PRXL2A: variants seen among roughly 807,000 people sequenced by gnomAD.
PRXL2A encodes peroxiredoxin like 2A.
PRXL2A carries 26 observed loss-of-function variants against 25.6 expected under a neutral mutation model. The ratio of observed to expected loss-of-function variants is 1.02; its 90% CI spans 0.74 to 1.41. The LOEUF (loss-of-function observed/expected upper bound fraction) is 1.41, where lower values mean the gene tolerates loss of function less well. Among genes scored for constraint, PRXL2A ranks in the 40% most tolerant of loss-of-function variants. PRXL2A has a pLI of 0.00. For missense variants in PRXL2A, 246 were observed against 273.9 expected, an observed-to-expected ratio of 0.90 and a Z score of 0.72; for synonymous variants, 98 against 102.9, an observed-to-expected ratio of 0.95 and a Z score of 0.29.
In PRXL2A at chr10:80,420,458, A is replaced by G. The variant is rs1308535008; in HGVS notation, c.-2-8A>G. The stretch of plus-strand genomic sequence containing the variant: ...AGTAACGCCTTCTTCCTTCTTCTCA[A>G]TCTCCAGAAATGTCTTTCCTCCAGG... On this transcript the variant is annotated splice_polypyrimidine_tract_variant and splice_region_variant and intron_variant, in intron 1 of 5. Coordinates refer to ENST00000606162, the MANE Select transcript of PRXL2A (RefSeq NM_032333.5). 1.3e-6 allele frequency: 2 copies of G among 1,562,222 alleles called. No homozygotes were observed. Among genetic ancestry groups the G allele is most frequent in the Non-Finnish European group, 1.7e-6 (2 of 1,150,400 alleles).
At chr10:80,431,646 T>C (rs1845265038) in intron 5 of PRXL2A, among the ~76,000 whole-genome samples, 2 of 152,182 alleles carry the variant, frequency 1.3e-5, no homozygotes, top group African/African-American at 2.4e-5. Flanking sequence ...GCTTCATTTT[T>C]TTCTCTTCAC....
intron 5 of PRXL2A, among the ~76,000 whole-genome samples, chr10:80,430,727 T>C (rs532184030): frequency 6.6e-6 from 1 of 152,346 alleles, no homozygotes; most frequent in African/African-American, 2.4e-5. Flanking sequence ...AACCATCCTA[T>C]GAGCTCAGCC....
upstream of PRXL2A, among the ~76,000 whole-genome samples, chr10:80,408,155 C>T (rs1303150181): frequency 6.8e-6 from 1 of 146,418 alleles, no homozygotes; most frequent in Admixed American, 6.8e-5. Context: ...TAGATTCCCC[C>T]TGCCCATGGA....
At chr10:80,413,807 C>A (rs1047744639) in intron 1 of PRXL2A, 101 of 1,091,430 alleles carry the variant, frequency 9.3e-5, no homozygotes, top group Non-Finnish European at 1.0e-4. Flanking sequence ...TGCCGCCTGC[C>A]CAGGCCCGTC....
At chr10:80,415,184 C>T (rs1844618066) in intron 1 of PRXL2A, among the ~76,000 whole-genome samples, 1 of 152,202 alleles carries the variant, frequency 6.6e-6, no homozygotes. Context: ...GCCTGATGCT[C>T]ACCACTGGTC....
At chr10:80,430,523 G>T (rs1413669855) in intron 5 of PRXL2A, among the ~76,000 whole-genome samples, 1 of 152,188 alleles carries the variant, frequency 6.6e-6, no homozygotes, top group Non-Finnish European at 1.5e-5. Flanking sequence ...ACATGCACCT[G>T]TAGTCCTGGC....
At chr10:80,424,961 G>A (rs1316695939) in intron 3 of PRXL2A, among the ~76,000 whole-genome samples, 3 of 152,212 alleles carry the variant, frequency 2.0e-5, no homozygotes, top group African/African-American at 7.2e-5. Flanking sequence ...AAATTTGCCA[G>A]TCAGTAAAAC....
At chr10:80,412,969 A>G (rs991209985) in intron 1 of PRXL2A, among the ~76,000 whole-genome samples, 1 of 152,156 alleles carries the variant, frequency 6.6e-6, no homozygotes, top group Non-Finnish European at 1.5e-5. Context: ...TGGTTCTTGA[A>G]ATAGGCTAGG....
rs1844830513 is a variant in PRXL2A at position 80,420,591 on chromosome 10, C to T, written c.124C>T (p.Gln42Ter). The T allele has an allele frequency of 2.5e-6, 4 of 1,613,860 alleles. No homozygotes were observed. The East Asian group carries it at 8.9e-5, about 36-fold the overall frequency. ...ANTDVFLSKP[Q>*]KAALEYLEDI... ...CACAGACGTGTTTCTGTCCAAGCCC[C>T]AGAAAGCGGCCCTGGAGTACCTGGA... The change falls in exon 2 of 6, where the codon CAG becomes TAG. Residue 42 changes from glutamine to a stop codon, truncating the protein, a stop_gained. Coordinates refer to ENST00000606162, the MANE Select transcript of PRXL2A (RefSeq NM_032333.5). LOFTEE classifies it high-confidence loss of function.
At chr10:80,410,523 T>G (rs1164434677) in intron 1 of PRXL2A, among the ~76,000 whole-genome samples, 1 of 152,282 alleles carries the variant, frequency 6.6e-6, no homozygotes, top group Non-Finnish European at 1.5e-5. Flanking sequence ...CCTGTCTTTA[T>G]AGGGGCACGA....
intron 1 of PRXL2A, among the ~76,000 whole-genome samples, chr10:80,411,792 C>G (rs1844482896): frequency 6.6e-6 from 1 of 152,150 alleles, no homozygotes; most frequent in African/African-American, 2.4e-5. Flanking sequence ...TTTTTTGTCT[C>G]CCTCAGCACC....
rs58999865 is a variant in PRXL2A, at chr10:80,421,680, G to T, written c.179-737G>T. ...TTTTTTTTTCCACATAACATCTACG[G>T]GAACATGGATCCCTCTGGGAAATAC... On this transcript the variant is annotated intron_variant, in intron 2 of 5. Transcript: ENST00000606162. Among the ~76,000 whole-genome samples the T allele has an allele frequency of 3.5e-3, 538 of 151,744 alleles. 4 individuals carry two copies. The highest frequency in any genetic ancestry group is 0.012 in the African/African-American group (513 of 41,300).
At chr10:80,412,141 G>A (rs953471812) in intron 1 of PRXL2A, among the ~76,000 whole-genome samples, 2 of 152,160 alleles carry the variant, frequency 1.3e-5, no homozygotes, top group African/African-American at 4.8e-5. Flanking sequence ...TGGTACTTTA[G>A]AGTCTTTGGA....
chr10:80,428,480 A>G (rs1039193391), intron 5 of PRXL2A, among the ~76,000 whole-genome samples: 2 of 152,360 alleles, frequency 1.3e-5, no homozygotes, highest in African/African-American at 4.8e-5. Context: ...ACTGGCCAAC[A>G]TGGCAAAATC....
rs141823088 is a variant in PRXL2A, at chr10:80,413,814, C to T, written c.-3+5171C>T. On this transcript the variant is annotated intron_variant, in intron 1 of 5. Transcript: ENST00000606162. Reference sequence around the variant, plus strand: ...CCTCCCCTTGCCGCCTGCCCAGGCCCGTCTGCTCACCCCTGGATATACTTC... The same window carrying T: ...CCTCCCCTTGCCGCCTGCCCAGGCCTGTCTGCTCACCCCTGGATATACTTC... The T allele has an allele frequency of 4.0e-4, 444 of 1,109,070 alleles. 1 individual carries two copies. The African/African-American group carries it at 6.7e-3, about 17-fold the overall frequency. 68.7% of individuals were successfully genotyped at this position (1,109,070 alleles called of 1,614,324 possible). A position where few individuals can be genotyped will look rare whatever the true frequency, so the allele number is the denominator to read the frequency against.
chr10:80,430,289 G>A (rs1845206720), intron 5 of PRXL2A, among the ~76,000 whole-genome samples: 1 of 151,782 alleles, frequency 6.6e-6, no homozygotes, highest in Non-Finnish European at 1.5e-5. Flanking sequence ...TTTAGTAGAG[G>A]CAGGGTGTCA....
At position 80,432,562 on chromosome 10, in the gene PRXL2A, A is replaced by AC; in HGVS notation, c.*465dup. ...AGGCTGAGGCAGGAGAATCACTTGA[A>AC]CCTGGGAGGTGGAGGTTGCGGTGAG... On this transcript the variant is annotated 3_prime_UTR_variant, in exon 6 of 6. Coordinates refer to ENST00000606162, the MANE Select transcript of PRXL2A (RefSeq NM_032333.5). The AC allele has an allele frequency of 6.6e-6, 1 of 152,174 alleles. No individual in the cohort carries two copies. Among genetic ancestry groups the AC allele is most frequent in the Non-Finnish European group, 1.5e-5 (1 of 68,742 alleles). The allele number at this position is 152,174 out of a possible 1,614,324, so 9.4% of individuals were successfully genotyped here.
chr10:80,422,599 C>A, intron 3 of PRXL2A, 91 bp downstream of exon 3: 1 of 916,034 alleles, frequency 1.1e-6, no homozygotes, highest in Non-Finnish European at 1.7e-6. Flanking sequence ...GGTAAGCCAG[C>A]TTTAGCCTTT....
intron 1 of PRXL2A, among the ~76,000 whole-genome samples, chr10:80,417,422 G>C (rs1844700429): frequency 6.6e-6 from 1 of 152,174 alleles, no homozygotes; most frequent in Non-Finnish European, 1.5e-5. Flanking sequence ...GTTGGGTAAG[G>C]AGCCCTTAGT....
Sources: gnomAD v4.1 joint callset for allele counts (sites outside exome capture counted in the v4.1 genomes callset) on GRCh38, gnomAD v4.1.1 for gene constraint, MANE v1.5 for transcripts, NCBI Gene and HGNC (gene_info 2026-07-23, HGNC 2026-07-21) for gene names.